Variants in SEMA3F observed in about 807,000 individuals in gnomAD.
SEMA3F encodes semaphorin-3F.
Under a neutral mutation model 98.5 loss-of-function variants are expected in SEMA3F, and 30 were observed. The observed-to-expected ratio is 0.30, with a 90% CI of 0.23 to 0.41. The LOEUF (loss-of-function observed/expected upper bound fraction) is 0.41. Among genes scored for constraint, SEMA3F ranks in the 10% least tolerant of loss-of-function variants. The pLI is 1.00. For synonymous variants in SEMA3F, 380 were observed against 444.8 expected (o/e 0.85, Z 1.83); for missense variants, 866 against 1,119.3 (o/e 0.77, Z 3.23).
At chr3:50,174,836 T>C (rs895267098) in intron 5 of SEMA3F, among the ~76,000 whole-genome samples, 2 of 152,162 alleles carry the variant, frequency 1.3e-5, no homozygotes, top group African/African-American at 2.4e-5. Context: ...TCCACCCTTT[T>C]CCATTTCCAT....
intron 2 of SEMA3F, among the ~76,000 whole-genome samples, chr3:50,164,583 G>A (rs1698334838): frequency 6.6e-6 from 1 of 152,210 alleles, no homozygotes; most frequent in Non-Finnish European, 1.5e-5. Flanking sequence ...AGAGTGGGGT[G>A]CTTAAATTTG....
chr3:50,165,055 G>A (rs1698352285), intron 2 of SEMA3F, among the ~76,000 whole-genome samples: 1 of 152,184 alleles, frequency 6.6e-6, no homozygotes, highest in South Asian at 2.1e-4. Flanking sequence ...TAAGGGAGAT[G>A]GTATTTGGAA....
rs1698003082 is a variant in SEMA3F, at chr3:50,156,786, C to T, written c.-49+1222C>T. ...GTGGGGGCCGGAGAGAAAGCAGGGG[C>T]CAGAGAGAAGGCGGCAGCCCACCCA... On this transcript the variant is annotated intron_variant, in intron 1 of 18. Coordinates refer to ENST00000002829, the MANE Select transcript of SEMA3F (RefSeq NM_004186.5). The surrounding 1 kb of genome is among the most constrained non-coding windows in gnomAD (Gnocchi z 4.5). 6.6e-6 allele frequency among the ~76,000 whole-genome samples: 1 copy of T among 152,160 alleles called. No individual in the cohort carries two copies. The highest frequency in any genetic ancestry group is 1.5e-5 in the Non-Finnish European group (1 of 68,012).
intron 2 of SEMA3F, among the ~76,000 whole-genome samples, chr3:50,164,265 A>G (rs1328939909): frequency 6.6e-6 from 1 of 152,140 alleles, no homozygotes; most frequent in Admixed American, 6.6e-5. Flanking sequence ...TTCCCTTGGC[A>G]CTAAGTGAGG....
At chr3:50,172,857 G>T (rs1252949760) in intron 2 of SEMA3F, among the ~76,000 whole-genome samples, 1 of 152,138 alleles carries the variant, frequency 6.6e-6, no homozygotes, top group Admixed American at 6.5e-5. Flanking sequence ...AGAGTCTGCC[G>T]GCTGTCCCAG....
rs776757060 is a variant in SEMA3F at position 50,174,037 on chromosome 3, C to A, written c.274-15C>A. On this transcript the variant is annotated splice_polypyrimidine_tract_variant and intron_variant, in intron 3 of 18. Transcript: ENST00000002829. ...ATGTCCAGAAGGCTGCACCTTCTGA[C>A]CCCCCTCTCTGCAGATACACTGGGC... is the stretch of plus-strand genomic sequence containing the variant. The A allele has an allele frequency of 3.7e-6, 6 of 1,613,886 alleles. No homozygotes were observed. The South Asian group carries it at 5.5e-5, about 15-fold the overall frequency.
chr3:50,185,778 C>G (rs927556772), intron 15 of SEMA3F, 71 bp downstream of exon 15: 14 of 1,609,876 alleles, frequency 8.7e-6, no homozygotes, highest in Non-Finnish European at 1.2e-5. Context: ...GCCCTTGGCA[C>G]AGGGATGGGT....
Position 50,159,741 on chromosome 3 carries a change from A to G in SEMA3F, c.112+7A>G, listed in dbSNP as rs200946080. The G allele has an allele frequency of 5.4e-5, 86 of 1,579,482 alleles. 1 individual carries two copies. The East Asian group carries it at 1.9e-3, about 35-fold the overall frequency. The stretch of plus-strand genomic sequence containing the variant: ...GTCCGGCTCTCATTCAAAGGTAAGA[A>G]GCTGTTTTGTTCTTCCCCAGAAATC... On this transcript the variant is annotated splice_region_variant and intron_variant, in intron 2 of 18. Coordinates refer to ENST00000002829, the MANE Select transcript of SEMA3F (RefSeq NM_004186.5).
Position 50,188,084 on chromosome 3 carries a change from G to A in SEMA3F, c.2327G>A (p.Arg776Gln), listed in dbSNP as rs1464090758. ...GAGCCCCAGGACCAGAAAAAGCCCC[G>A]GAACCGCCGGCACCACCCTCCGGAC... ...SPEPQDQKKPRNRRHHPPDT is the reference protein window; with the variant it reads ...SPEPQDQKKPQNRRHHPPDT The change falls in exon 19 of 19, where the codon CGG becomes CAG. Residue 776 changes from arginine (R) to glutamine (Q), a missense_variant. By Grantham distance (43) the Arg-to-Gln change is conservative. Transcript: ENST00000002829. The surrounding 1 kb of genome is among the most constrained non-coding windows in gnomAD (Gnocchi z 4.5). 6 of 1,544,962 alleles carry A rather than the reference G, an allele frequency of 3.9e-6. No homozygotes were observed. The highest frequency in any genetic ancestry group is 3.8e-5 in the Admixed American group (2 of 53,210).
intron 13 of SEMA3F, among the ~76,000 whole-genome samples, chr3:50,185,223 G>A (rs1699163209): frequency 6.6e-6 from 1 of 152,192 alleles, no homozygotes; most frequent in East Asian, 1.9e-4. Context: ...TCTCAGCAGG[G>A]CCCAAAATCA....
intron 11 of SEMA3F, 22 bp from the exon 12 acceptor site, chr3:50,183,398 G>A (rs1266172421): frequency 2.5e-6 from 4 of 1,613,452 alleles, no homozygotes; most frequent in Non-Finnish European, 3.4e-6. Flanking sequence ...GTCCTGCTCA[G>A]CAGCGCCTGC....
chr3:50,172,999 C>T (rs1040974775), intron 2 of SEMA3F, among the ~76,000 whole-genome samples: 14 of 152,222 alleles, frequency 9.2e-5, no homozygotes, highest in African/African-American at 3.4e-4. Context: ...GTACCCTGGC[C>T]CGCACCTACC....
At chr3:50,171,454 T>C (rs957151349) in intron 2 of SEMA3F, among the ~76,000 whole-genome samples, 4 of 152,108 alleles carry the variant, frequency 2.6e-5, no homozygotes, top group Non-Finnish European at 5.9e-5. Flanking sequence ...AGCTTCCCCT[T>C]ACCCGGAGTG....
intron 2 of SEMA3F, among the ~76,000 whole-genome samples, chr3:50,163,398 G>A (rs1467436605): frequency 1.3e-5 from 2 of 152,246 alleles, no homozygotes; most frequent in Admixed American, 1.3e-4. Flanking sequence ...AGAGAGGAAA[G>A]GGCTCCTGTT....
chr3:50,169,502 C>T (rs540246502), intron 2 of SEMA3F, among the ~76,000 whole-genome samples: 5 of 152,170 alleles, frequency 3.3e-5, no homozygotes, highest in Admixed American at 2.6e-4. Flanking sequence ...CGGATGTCAC[C>T]CCTCCCAACC....
rs767470094 is a variant in SEMA3F at position 50,183,483 on chromosome 3, C to A, written c.1152C>A (p.Asn384Lys). The A allele has an allele frequency of 6.2e-7, 1 of 1,614,090 alleles. No individual in the cohort carries two copies. Among genetic ancestry groups the A allele is most frequent in the Non-Finnish European group, 8.5e-7 (1 of 1,180,006 alleles). ...YSMADIRMVF[N>K]GPFAHKEGPN... ...TGGCTGATATTCGCATGGTCTTCAA[C>A]GGGCCCTTTGCCCACAAAGAGGGGC... Residue 384 changes from asparagine to lysine, a missense_variant, in exon 12 of 19, where the codon AAC (asparagine) becomes AAA (lysine). By Grantham distance (94) the Asn-to-Lys change is moderately conservative. This residue lies in a region of SEMA3F where 374 missense variants were observed against 582.8 expected (regional missense o/e 0.64). Coordinates refer to ENST00000002829, the MANE Select transcript of SEMA3F (RefSeq NM_004186.5).
chr3:50,185,572 C>T (rs1480395004), intron 14 of SEMA3F, 41 bp downstream of exon 14: 3 of 1,612,090 alleles, frequency 1.9e-6, no homozygotes, highest in East Asian at 2.2e-5. Flanking sequence ...CCCACCTTTA[C>T]CCTCCCCCCA....
intron 1 of SEMA3F, chr3:50,159,364 T>C: frequency 2.2e-6 from 1 of 450,110 alleles, no homozygotes; most frequent in Non-Finnish European, 3.9e-6. Context: ...CCCCCATCAG[T>C]TCTGGTGACC....
intron 2 of SEMA3F, 66 bp downstream of exon 2, chr3:50,159,800 C>G (rs1698136818): frequency 5.5e-6 from 6 of 1,081,390 alleles, no homozygotes. Context: ...GGCTCCTCTG[C>G]ACACGAGAGA....
Sources: allele counts gnomAD v4.1 joint callset (sites outside exome capture counted in the v4.1 genomes callset), GRCh38; gene constraint gnomAD v4.1.1; regional missense constraint gnomAD v4.1.1; non-coding constraint Gnocchi (gnomAD v3.1); transcripts MANE v1.5; gene names NCBI Gene and HGNC (gene_info 2026-07-23, HGNC 2026-07-21).